Variants in CNBD1 observed in about 807,000 individuals in gnomAD.
CNBD1 encodes the protein cyclic nucleotide-binding domain-containing protein 1.
A neutral mutation model predicts 54.4 loss-of-function variants in CNBD1; 71 were observed. The ratio of observed to expected loss-of-function variants is 1.30; its 90% CI spans 1.08 to 1.59. The LOEUF (loss-of-function observed/expected upper bound fraction) is 1.59. CNBD1 is among the 40% of genes most tolerant of loss of function. The pLI is 0.00. For missense variants in CNBD1, 659 were observed against 518.0 expected, an observed-to-expected ratio of 1.27 and a Z score of -2.64; for synonymous variants, 182 against 170.7, an observed-to-expected ratio of 1.07 and a Z score of -0.51.
At chr8:87,276,104 C>T (rs1028248464) in intron 6 of CNBD1, among the ~76,000 whole-genome samples, 1 of 151,866 alleles carries the variant, frequency 6.6e-6, no homozygotes, top group African/African-American at 2.4e-5. Flanking sequence ...TCATTACTCT[C>T]ATTACTATCT....
intron 4 of CNBD1, among the ~76,000 whole-genome samples, chr8:87,137,190 A>G (rs117986189): frequency 0.13 from 15,981 of 122,324 alleles, 1,658 homozygotes; most frequent in Admixed American, 0.17. Context: ...TTTATTCTAT[A>G]TAAATTATAT....
At chr8:87,194,631 T>A (rs1813676909) in intron 4 of CNBD1, among the ~76,000 whole-genome samples, 1 of 152,332 alleles carries the variant, frequency 6.6e-6, no homozygotes, top group East Asian at 1.9e-4. Flanking sequence ...TACTTATTTT[T>A]AATTTTTAAT....
intron 4 of CNBD1, among the ~76,000 whole-genome samples, chr8:87,004,338 A>G (rs1426358637): frequency 6.6e-6 from 1 of 152,168 alleles, no homozygotes; most frequent in East Asian, 1.9e-4. Context: ...ATCCCCTACT[A>G]TATGAAAACC....
chr8:87,176,166 A>G (rs1813193033), intron 4 of CNBD1, among the ~76,000 whole-genome samples: 1 of 152,160 alleles, frequency 6.6e-6, no homozygotes. Context: ...GAACAATATG[A>G]AGTTAAAACC....
At chr8:86,893,414 C>T (rs1324301903) in intron 2 of CNBD1, among the ~76,000 whole-genome samples, 1 of 152,084 alleles carries the variant, frequency 6.6e-6, no homozygotes, top group Non-Finnish European at 1.5e-5. Flanking sequence ...CACACTGTCC[C>T]AACCAAAATG....
intron 10 of CNBD1, among the ~76,000 whole-genome samples, chr8:87,360,535 G>C (rs1005114288): frequency 6.6e-6 from 1 of 151,742 alleles, no homozygotes; most frequent in Non-Finnish European, 1.5e-5. Flanking sequence ...TCCAGATGCA[G>C]AGCTTATTAC....
At position 87,355,822 on chromosome 8, in the gene CNBD1, A is replaced by T. The variant is rs192688909; in HGVS notation, c.1303+2036A>T. ...TGGATGTTTGTCCTTTCCAAATTTC[A>T]TGTTGAAACGTCATCCTCAATGTTG... On this transcript the variant is annotated intron_variant, in intron 10 of 10. Transcript: ENST00000518476. Among the ~76,000 whole-genome samples the T allele has an allele frequency of 1.8e-4, 27 of 152,280 alleles. No individual in the cohort carries two copies. The East Asian group carries it at 5.2e-3, about 29-fold the overall frequency.
intron 4 of CNBD1, among the ~76,000 whole-genome samples, chr8:87,108,774 T>A (rs1276177450): frequency 6.6e-6 from 1 of 152,218 alleles, no homozygotes; most frequent in African/African-American, 2.4e-5. Context: ...ATAGTCATGA[T>A]AATAATGGCT....
At chr8:86,908,569 A>C (rs1420270307) in intron 3 of CNBD1, among the ~76,000 whole-genome samples, 1 of 152,198 alleles carries the variant, frequency 6.6e-6, no homozygotes, top group Non-Finnish European at 1.5e-5. Flanking sequence ...CATTATTATC[A>C]TGCACTATAA....
intron 2 of CNBD1, among the ~76,000 whole-genome samples, chr8:87,391,145 G>T (rs1168280791): frequency 6.6e-6 from 1 of 152,040 alleles, no homozygotes; most frequent in African/African-American, 2.4e-5. Context: ...AATGTTAAAT[G>T]AAGAGATAAT....
chr8:87,308,089 A>G (rs966072929), intron 8 of CNBD1, among the ~76,000 whole-genome samples: 1 of 152,124 alleles, frequency 6.6e-6, no homozygotes, highest in African/African-American at 2.4e-5. Context: ...CATTATCTTT[A>G]TAGCCCTGTG....
intron 4 of CNBD1, among the ~76,000 whole-genome samples, chr8:87,199,076 C>A (rs1254522091): frequency 6.6e-6 from 1 of 152,164 alleles, no homozygotes; most frequent in Admixed American, 6.5e-5. Flanking sequence ...AAGGAAAGCT[C>A]CCTTACCACT....
chr8:87,181,680 T>A (rs908119477), intron 4 of CNBD1, among the ~76,000 whole-genome samples: 1 of 152,186 alleles, frequency 6.6e-6, no homozygotes, highest in Non-Finnish European at 1.5e-5. Flanking sequence ...TTCATTAAAA[T>A]CTGTTGATTT....
chr8:86,971,917 T>C (rs552273945), intron 4 of CNBD1, among the ~76,000 whole-genome samples: 4 of 152,174 alleles, frequency 2.6e-5, no homozygotes, highest in Non-Finnish European at 4.4e-5. Flanking sequence ...CTCACATAGA[T>C]ATATTTTATT....
rs574606981 is a variant in CNBD1 at position 87,394,629 on chromosome 8, G to A, written c.214-33917G>A. ...AACATCTACCCTTCTTCATAGATGC[G>A]TGTTTTGTTTTCAGAATAGTTAAGA... is the stretch of plus-strand genomic sequence containing the variant. On this transcript the variant is annotated intron_variant, in intron 2 of 7. Transcript: ENST00000521593. 2.5e-4 allele frequency among the ~76,000 whole-genome samples: 38 copies of A among 151,826 alleles called. No homozygotes were observed. The South Asian group carries it at 3.9e-3, about 16-fold the overall frequency.
intron 4 of CNBD1, among the ~76,000 whole-genome samples, chr8:86,993,111 C>T (rs1808789820): frequency 6.6e-6 from 1 of 151,906 alleles, no homozygotes; most frequent in Non-Finnish European, 1.5e-5. Flanking sequence ...GGTTTGGTCT[C>T]TTTATATAAT....
intron 2 of CNBD1, among the ~76,000 whole-genome samples, chr8:87,421,382 T>A (rs1239573979): frequency 6.6e-6 from 1 of 150,938 alleles, no homozygotes; most frequent in Non-Finnish European, 1.5e-5. Context: ...CACTAACTCG[T>A]CATCTAGCAT....
At chr8:87,403,333 T>G (rs1393038936) in intron 2 of CNBD1, among the ~76,000 whole-genome samples, 1 of 151,976 alleles carries the variant, frequency 6.6e-6, no homozygotes, top group Non-Finnish European at 1.5e-5. Flanking sequence ...GGCAAGAGCA[T>G]TCTCCTGAAA....
chr8:87,409,104 G>A (rs10107014), intron 2 of CNBD1, among the ~76,000 whole-genome samples: 42,994 of 152,054 alleles, frequency 0.28, 6,773 homozygotes, highest in Middle Eastern at 0.41. Context: ...AAGGCATGTC[G>A]AAAGCTGAGA....
Sources: allele counts gnomAD v4.1 joint callset (sites outside exome capture counted in the v4.1 genomes callset), GRCh38; gene constraint gnomAD v4.1.1; transcripts MANE v1.5; gene names NCBI Gene and HGNC (gene_info 2026-07-23, HGNC 2026-07-21).